Variants in KCNAB1 observed in about 807,000 individuals in gnomAD.
KCNAB1 encodes potassium voltage-gated channel subfamily A regulatory beta subunit 1, also known as voltage-gated potassium channel subunit beta-1.
KCNAB1 carries 35 observed loss-of-function variants against 64.6 expected under a neutral mutation model. That is an observed-to-expected ratio of 0.54 (90% CI 0.41 to 0.72). The LOEUF (loss-of-function observed/expected upper bound fraction) is 0.72. Ranked by LOEUF, KCNAB1 falls within the 30% of genes least tolerant of loss-of-function variation. The probability of loss-of-function intolerance (pLI) is 0.00; values close to 1 mark genes in which losing one functional copy is unlikely to be tolerated. For missense variants in KCNAB1, 401 were observed against 512.9 expected (o/e 0.78, Z 2.11); for synonymous variants, 177 against 183.8 (o/e 0.96, Z 0.30).
At chr3:156,170,890 G>T (rs2077646417) in intron 1 of KCNAB1, among the ~76,000 whole-genome samples, 1 of 152,154 alleles carries the variant, frequency 6.6e-6, no homozygotes, top group African/African-American at 2.4e-5. Flanking sequence ...CCCTTTTGCT[G>T]CACATAGCAG....
At chr3:156,501,972 A>C (rs967949654) in intron 8 of KCNAB1, among the ~76,000 whole-genome samples, 3 of 152,118 alleles carry the variant, frequency 2.0e-5, no homozygotes, top group Non-Finnish European at 4.4e-5. Context: ...CTTATTAACT[A>C]TCATGAGAAT....
chr3:156,354,047 A>ATGTGTGTGTGTGTGTG lies in KCNAB1; in HGVS notation c.276-67557_276-67542dup, dbSNP rs368761986. On this transcript the variant is annotated intron_variant, in intron 1 of 13. Transcript: ENST00000490337. ...TGTCATAATGTGTGTGTGTATATAT[A>ATGTGTGTGTGTGTGTG]TGTGTGTGTGTGTGTGTGTGTGTGT... Among the ~76,000 whole-genome samples, 101 of 137,586 alleles carry ATGTGTGTGTGTGTGTG rather than the reference A, an allele frequency of 7.3e-4. 1 individual carries two copies. The highest frequency in any genetic ancestry group is 2.6e-3 in the African/African-American group (98 of 36,990). 90.3% of individuals were successfully genotyped at this position (137,586 alleles called of 152,430 possible).
At chr3:156,445,125 G>A (rs564009132) in intron 2 of KCNAB1, among the ~76,000 whole-genome samples, 1 of 152,208 alleles carries the variant, frequency 6.6e-6, no homozygotes, top group East Asian at 1.9e-4. Context: ...GTGAAACCTT[G>A]TCTCTAATAA....
chr3:156,220,055 T>C (rs1285522495), intron 1 of KCNAB1, among the ~76,000 whole-genome samples: 1 of 152,202 alleles, frequency 6.6e-6, no homozygotes, highest in African/African-American at 2.4e-5. Flanking sequence ...ACTCATCCTT[T>C]TTTATGGCTG....
At chr3:156,205,611 A>G in intron 1 of KCNAB1, among the ~76,000 whole-genome samples, 1 of 152,150 alleles carries the variant, frequency 6.6e-6, no homozygotes, top group Non-Finnish European at 1.5e-5. Context: ...CATCAAGTCC[A>G]GTTGTTTCTA....
At chr3:156,395,614 G>A (rs1713406918) in intron 1 of KCNAB1, among the ~76,000 whole-genome samples, 1 of 142,850 alleles carries the variant, frequency 7.0e-6, no homozygotes, top group Admixed American at 7.2e-5. Flanking sequence ...GAAGGCCATT[G>A]GTTCCAACGT....
intron 1 of KCNAB1, among the ~76,000 whole-genome samples, chr3:156,170,356 A>G (rs184270668): frequency 2.7e-4 from 41 of 152,152 alleles, no homozygotes. Flanking sequence ...GTTGATACCT[A>G]CAATTTCTGT....
intron 1 of KCNAB1, among the ~76,000 whole-genome samples, chr3:156,212,464 G>T (rs917251494): frequency 1.3e-5 from 2 of 152,122 alleles, no homozygotes; most frequent in African/African-American, 4.8e-5. Flanking sequence ...CTATGTGCAG[G>T]CTGTGGGCCA....
chr3:156,140,039 A>C (rs1046592481), intron 1 of KCNAB1, among the ~76,000 whole-genome samples: 10 of 152,076 alleles, frequency 6.6e-5, no homozygotes, highest in Admixed American at 6.6e-4. Context: ...TTTTTTTCTC[A>C]TTATCTAAAA....
chr3:156,291,832 C>G (rs1560178064), intron 1 of KCNAB1: 1 of 1,598,228 alleles, frequency 6.3e-7, no homozygotes. Context: ...AGCAGAAATC[C>G]CCGCAACTGC....
chr3:156,463,870 T>C, intron 6 of KCNAB1, 124 bp downstream of exon 6: 1 of 673,678 alleles, frequency 1.5e-6, no homozygotes, highest in Non-Finnish European at 2.4e-6. Flanking sequence ...TTTGTTTTTT[T>C]TTTGTTTTTT....
At chr3:156,291,605 C>T (rs1391768493) in intron 1 of KCNAB1, 21 of 1,275,688 alleles carry the variant, frequency 1.6e-5, no homozygotes, top group Non-Finnish European at 1.9e-5. Context: ...GCTGTTTAAT[C>T]AGCCGAGATT....
intron 1 of KCNAB1, among the ~76,000 whole-genome samples, chr3:156,129,097 C>T (rs530321092): frequency 6.6e-6 from 1 of 152,254 alleles, no homozygotes; most frequent in Non-Finnish European, 1.5e-5. Flanking sequence ...TTGTTACAAC[C>T]CATATCCTTC....
chr3:156,204,250 G>C (rs977962965), intron 1 of KCNAB1, among the ~76,000 whole-genome samples: 10 of 152,312 alleles, frequency 6.6e-5, no homozygotes, highest in Admixed American at 6.5e-4. Context: ...GCACTCCCAG[G>C]TGGGGCGGGA....
At chr3:156,470,654 A>G (rs1248532774) in intron 7 of KCNAB1, among the ~76,000 whole-genome samples, 1 of 152,146 alleles carries the variant, frequency 6.6e-6, no homozygotes, top group African/African-American at 2.4e-5. Flanking sequence ...CCTTTCAGGT[A>G]AACAATTTTG....
intron 2 of KCNAB1, among the ~76,000 whole-genome samples, chr3:156,441,630 A>G (rs1576870694): frequency 6.6e-6 from 1 of 152,146 alleles, no homozygotes; most frequent in African/African-American, 2.4e-5. Flanking sequence ...CTAGTGTCAC[A>G]TGGAAGGTGT....
At chr3:156,232,401 C>T (rs1716586632) in intron 1 of KCNAB1, among the ~76,000 whole-genome samples, 2 of 152,194 alleles carry the variant, frequency 1.3e-5, no homozygotes, top group African/African-American at 4.8e-5. Flanking sequence ...TTTCAAAGTC[C>T]AGGGAGCTAG....
chr3:156,140,217 T>C (rs1405573381), intron 1 of KCNAB1, among the ~76,000 whole-genome samples: 1 of 152,246 alleles, frequency 6.6e-6, no homozygotes, highest in Non-Finnish European at 1.5e-5. Context: ...TTTATTGCAT[T>C]TTTTACAGAC....
In KCNAB1 at chr3:156,261,385, C is replaced by G. The variant is rs116074773; in HGVS notation, c.275+140499C>G. 9.4e-3 allele frequency among the ~76,000 whole-genome samples: 1,427 copies of G among 151,956 alleles called. 20 individuals carry two copies. The highest frequency in any genetic ancestry group is 0.033 in the African/African-American group (1,349 of 41,478). On this transcript the variant is annotated intron_variant, in intron 1 of 13. Transcript: ENST00000490337. ...AGAGTTTTAACTCTTAACTTTAGGT[C>G]TGTGATCCATTTTGAGTTTATTTTT...
Sources: allele counts gnomAD v4.1 joint callset (sites outside exome capture counted in the v4.1 genomes callset), GRCh38; gene constraint gnomAD v4.1.1; transcripts MANE v1.5; gene names NCBI Gene and HGNC (gene_info 2026-07-23, HGNC 2026-07-21).